Variants in RGS4 observed in about 807,000 individuals in gnomAD.
The protein encoded by RGS4 is schizophrenia disorder 9.
In RGS4, 15 loss-of-function variants were observed where a neutral mutation model predicts 21.6. The observed-to-expected ratio is 0.69, with a 90% confidence interval of 0.46 to 1.07. RGS4 has a LOEUF of 1.07. Among genes scored for constraint, RGS4 ranks in the 50% least tolerant of loss-of-function variants. RGS4 has a pLI of 0.00. For missense variants in RGS4, 237 were observed against 239.0 expected (o/e 0.99, Z 0.06); for synonymous variants, 94 against 85.5 (o/e 1.10, Z -0.55).
At position 163,074,910 on chromosome 1, in the gene RGS4, A is replaced by T; in HGVS notation, c.*350A>T. 5 of 577,442 alleles carry T rather than the reference A, an allele frequency of 8.7e-6. No individual in the cohort carries two copies. In the South Asian group the frequency reaches 1.1e-4, roughly 12 times the overall value. The allele number at this position is 577,442 out of a possible 1,614,324, so 35.8% of individuals were successfully genotyped here. A position where few individuals can be genotyped will look rare whatever the true frequency, so the allele number is the denominator to read the frequency against. On this transcript the variant is annotated 3_prime_UTR_variant, in exon 5 of 5. Coordinates refer to ENST00000367909, the MANE Select transcript of RGS4 (RefSeq NM_005613.6). ...GGGATGGTTGGTTAGTGCATGTCAC[A>T]TGACATCCACATGCACATGTATTCT... is the stretch of plus-strand genomic sequence containing the variant.
chr1:163,070,247 T>TA (rs1349057902), intron 1 of RGS4, among the ~76,000 whole-genome samples: 1 of 152,174 alleles, frequency 6.6e-6, no homozygotes, highest in Non-Finnish European at 1.5e-5. Context: ...GACATACAGC[T>TA]ATTCATTTGT....
chr1:163,074,623 AAT>A lies in RGS4; in HGVS notation c.*66_*67del. Reference sequence around the variant, plus strand: ...CTATGCTCTGGAAAACCTGAGGCCAAATATTGATCTGTATTAAGCTCCAGTGC... The same window carrying A: ...CTATGCTCTGGAAAACCTGAGGCCAAATTGATCTGTATTAAGCTCCAGTGC... On this transcript the variant is annotated 3_prime_UTR_variant, in exon 5 of 5. Transcript: ENST00000367909. 1.2e-6 allele frequency: 2 copies of A among 1,610,252 alleles called. No homozygotes were observed. The highest frequency in any genetic ancestry group is 1.7e-6 in the Non-Finnish European group (2 of 1,176,892).
At chr1:163,073,235 G>C (rs1006735979) in intron 3 of RGS4, among the ~76,000 whole-genome samples, 1 of 152,134 alleles carries the variant, frequency 6.6e-6, no homozygotes, top group African/African-American at 2.4e-5. Flanking sequence ...CTTGAAAGAG[G>C]CTTCCAACTT....
At chr1:163,069,822 C>T (rs1184464830) in intron 1 of RGS4, among the ~76,000 whole-genome samples, 2 of 152,108 alleles carry the variant, frequency 1.3e-5, no homozygotes, top group East Asian at 3.9e-4. Flanking sequence ...AGGTTTGAGG[C>T]TATGTACAGT....
rs539878649 is a variant in RGS4, at chr1:163,069,593, G to T, written c.44+65G>T. 1.0e-5 allele frequency: 14 copies of T among 1,347,828 alleles called. No homozygotes were observed. The South Asian group carries it at 1.8e-4, about 17-fold the overall frequency. The allele number at this position is 1,347,828 out of a possible 1,614,324, so 83.5% of individuals were successfully genotyped here. ...GCTAGACTTTCTCAGTTATTTACAT[G>T]TTGTACTTACTAACCTAGTTCTGTG... On this transcript the variant is annotated intron_variant, in intron 1 of 4. Transcript: ENST00000367909.
At position 163,069,602 on chromosome 1, in the gene RGS4, AC is replaced by A. The variant is rs1350449564; in HGVS notation, c.44+75del. The A allele has an allele frequency of 4.8e-6, 6 of 1,241,710 alleles. No individual in the cohort carries two copies. In the African/African-American group the frequency reaches 8.9e-5, roughly 18 times the overall value. The allele number at this position is 1,241,710 out of a possible 1,614,324, so 76.9% of individuals were successfully genotyped here. On this transcript the variant is annotated intron_variant, in intron 1 of 4. Transcript: ENST00000367909. The stretch of plus-strand genomic sequence containing the variant: ...TCTCAGTTATTTACATGTTGTACTT[AC>A]TAACCTAGTTCTGTGCAATTAGAAA...
chr1:163,069,944 G>C (rs1467616518), intron 1 of RGS4, among the ~76,000 whole-genome samples: 1 of 152,084 alleles, frequency 6.6e-6, no homozygotes, highest in African/African-American at 2.4e-5. Flanking sequence ...TTCAGGAAAG[G>C]TACCCCAGAA....
chr1:163,074,996 TTGTG>T lies in RGS4; in HGVS notation c.*440_*443del, dbSNP rs886745535. On this transcript the variant is annotated 3_prime_UTR_variant, in exon 5 of 5. Coordinates refer to ENST00000367909, the MANE Select transcript of RGS4 (RefSeq NM_005613.6). ...GATGAGGTTGAGCTATGATATGTGC[TTGTG>T]TGTATGTCTATGTGTATATATTATA... 7.3e-6 allele frequency: 3 copies of T among 413,092 alleles called. No homozygotes were observed. Among genetic ancestry groups the T allele is most frequent in the Non-Finnish European group, 1.3e-5 (3 of 226,936 alleles). 25.6% of individuals were successfully genotyped at this position (413,092 alleles called of 1,614,324 possible).
In RGS4 at chr1:163,074,646, A is replaced by G; in HGVS notation, c.*86A>G. ...CAAATATTGATCTGTATTAAGCTCCAGTGCTTTATCCACATTGTAGCCTAA... is the reference window on the plus strand; with the variant it reads ...CAAATATTGATCTGTATTAAGCTCCGGTGCTTTATCCACATTGTAGCCTAA... On this transcript the variant is annotated 3_prime_UTR_variant, in exon 5 of 5. Transcript: ENST00000367909. The G allele has an allele frequency of 1.3e-6, 2 of 1,579,970 alleles. No individual in the cohort carries two copies. The highest frequency in any genetic ancestry group is 1.7e-6 in the Non-Finnish European group (2 of 1,150,450).
At position 163,069,429 on chromosome 1, in the gene RGS4, A is replaced by T. The variant is rs752248754; in HGVS notation, c.-56A>T. ...GCAAAGTACGCTCAAAGCCGAAGCC[A>T]CAGCTCCTCCTGCCGCATTTCTTTC... On this transcript the variant is annotated 5_prime_UTR_variant, in exon 1 of 5. Transcript: ENST00000367909. 9 of 1,612,240 alleles carry T rather than the reference A, an allele frequency of 5.6e-6. No homozygotes were observed. The South Asian group carries it at 8.8e-5, about 16-fold the overall frequency.
rs920152183 is a variant in RGS4, at chr1:163,074,752, T to G, written c.*192T>G. On this transcript the variant is annotated 3_prime_UTR_variant, in exon 5 of 5. Coordinates refer to ENST00000367909, the MANE Select transcript of RGS4 (RefSeq NM_005613.6). ...TTTGGTGTTTGAGTGTTCATCAGGGTGGGACCCCATTCCAGTCCAATTTTC... is the reference window on the plus strand; with the variant it reads ...TTTGGTGTTTGAGTGTTCATCAGGGGGGGACCCCATTCCAGTCCAATTTTC... The G allele has an allele frequency of 1.2e-6, 1 of 812,412 alleles. No homozygotes were observed. Among genetic ancestry groups the G allele is most frequent in the African/African-American group, 1.7e-5 (1 of 58,904 alleles). The allele number at this position is 812,412 out of a possible 1,614,324, so 50.3% of individuals were successfully genotyped here. A position where few individuals can be genotyped will look rare whatever the true frequency, so the allele number is the denominator to read the frequency against.
At chr1:163,069,272 G>C, upstream of RGS4, 5 of 1,551,052 alleles carry the variant, frequency 3.2e-6, no homozygotes, top group Non-Finnish European at 3.5e-6. Flanking sequence ...GGCAGAGGGA[G>C]ACAGAGGAGC....
chr1:163,072,201 T>C, intron 1 of RGS4, 194 bp from the exon 2 acceptor site: 1 of 1,013,206 alleles, frequency 9.9e-7, no homozygotes, highest in Non-Finnish European at 1.3e-6. Context: ...TATGACTGCC[T>C]CAAGGTTTTG....
rs924801221 is a variant in RGS4 at position 163,073,348 on chromosome 1, G to T, written c.212-108G>T. 107 of 893,192 alleles carry T rather than the reference G, an allele frequency of 1.2e-4. No individual in the cohort carries two copies. In the Middle Eastern group the frequency reaches 1.7e-3, roughly 15 times the overall value. 55.3% of individuals were successfully genotyped at this position (893,192 alleles called of 1,614,324 possible). Reference sequence around the variant, plus strand: ...GAAAAAAGCAGGGGAAAAAGGGATTGCTTGAATCCATGCTTTATCCCCCAA... The same window carrying T: ...GAAAAAAGCAGGGGAAAAAGGGATTTCTTGAATCCATGCTTTATCCCCCAA... On this transcript the variant is annotated intron_variant, in intron 3 of 4. Transcript: ENST00000367909.
chr1:163,069,216 C>G (rs548737419), upstream of RGS4: 115 of 1,532,288 alleles, frequency 7.5e-5, 1 homozygote, highest in South Asian at 1.4e-3. Flanking sequence ...CTTAACATTG[C>G]TGATGCGTCA....
chr1:163,070,416 C>T (rs976020840), intron 1 of RGS4: 8 of 152,190 alleles, frequency 5.3e-5, no homozygotes, highest in Middle Eastern at 6.8e-3. Context: ...GCTTTCTTAT[C>T]GCACTGCAAA....
rs1655239528 is a variant in RGS4, at chr1:163,069,626, A to C, written c.44+98A>C. The C allele has an allele frequency of 3.0e-6, 3 of 1,013,582 alleles. No homozygotes were observed. In the African/African-American group the frequency reaches 4.8e-5, roughly 16 times the overall value. The allele number at this position is 1,013,582 out of a possible 1,614,324, so 62.8% of individuals were successfully genotyped here. A position where few individuals can be genotyped will look rare whatever the true frequency, so the allele number is the denominator to read the frequency against. ...TACTAACCTAGTTCTGTGCAATTAG[A>C]AACAGTGTGGTCAGGAGAGCACGAC... On this transcript the variant is annotated intron_variant, in intron 1 of 4. Coordinates refer to ENST00000367909, the MANE Select transcript of RGS4 (RefSeq NM_005613.6).
upstream of RGS4, chr1:163,069,312 T>C: frequency 6.4e-7 from 1 of 1,551,408 alleles, no homozygotes; most frequent in Non-Finnish European, 8.7e-7. Context: ...TCTGATTGGC[T>C]GGACGGTCGT....
chr1:163,073,435 G>A, intron 3 of RGS4, 21 bp from the exon 4 acceptor site: 1 of 1,534,220 alleles, frequency 6.5e-7, no homozygotes, highest in East Asian at 2.3e-5. Flanking sequence ...GACAACTGTG[G>A]TCCTTTCTCC....
Sources: allele counts gnomAD v4.1 joint callset (sites outside exome capture counted in the v4.1 genomes callset), GRCh38; gene constraint gnomAD v4.1.1; transcripts MANE v1.5; gene names NCBI Gene and HGNC (gene_info 2026-07-23, HGNC 2026-07-21).